NTRK3: variants seen among roughly 807,000 people sequenced by gnomAD.
The protein encoded by NTRK3 is neurotrophic receptor tyrosine kinase 3.
In NTRK3, 24 loss-of-function variants were observed where a neutral mutation model predicts 91.7. The ratio of observed to expected loss-of-function variants is 0.26; its 90% CI spans 0.19 to 0.37. The LOEUF (loss-of-function observed/expected upper bound fraction) is 0.37. NTRK3 is among the 10% of genes least tolerant of loss of function. The pLI is 1.00. For synonymous variants in NTRK3, 483 were observed against 404.0 expected, an observed-to-expected ratio of 1.20 and a Z score of -2.34; for missense variants, 880 against 1,068.9, an observed-to-expected ratio of 0.82 and a Z score of 2.46.
At chr15:87,937,730 G>A (rs922271670) in intron 15 of NTRK3, among the ~76,000 whole-genome samples, 1 of 152,026 alleles carries the variant, frequency 6.6e-6, no homozygotes, top group East Asian at 1.9e-4. Context: ...AAGGAGTGAA[G>A]AAATACATTT....
At chr15:88,032,671 C>G (rs967763759) in intron 14 of NTRK3, among the ~76,000 whole-genome samples, 186 bp downstream of exon 14, 1 of 152,104 alleles carries the variant, frequency 6.6e-6, no homozygotes, top group Non-Finnish European at 1.5e-5. Context: ...GCAGAGGACT[C>G]TGGTCCCGGG....
intron 14 of NTRK3, among the ~76,000 whole-genome samples, chr15:88,018,075 C>G (rs2077360980): frequency 6.6e-6 from 1 of 152,158 alleles, no homozygotes; most frequent in Non-Finnish European, 1.5e-5. Context: ...TAAAAGGAGA[C>G]TCGGCCAAAA....
rs141557504 is a variant in NTRK3, at chr15:88,227,257, C to T, written c.248+28649G>A. Among the ~76,000 whole-genome samples, 416 of 152,302 alleles carry T rather than the reference C, an allele frequency of 2.7e-3. 2 individuals are homozygous for T. The highest frequency in any genetic ancestry group is 2.6e-3 in the Admixed American group (40 of 15,308). ...ACATTTCCCTTAAAAAGCTGCATTT[C>T]CCACCAACCTATCACCAGCTTTCCC... is the stretch of plus-strand genomic sequence containing the variant. On this transcript the variant is annotated intron_variant, in intron 3 of 18. Coordinates refer to ENST00000394480, the Ensembl canonical transcript of NTRK3.
chr15:88,006,725 A>ATC (rs2076517964), intron 14 of NTRK3, among the ~76,000 whole-genome samples: 1 of 152,220 alleles, frequency 6.6e-6, no homozygotes, highest in African/African-American at 2.4e-5. Context: ...GGGAAAGCAC[A>ATC]CAGGAGCACA....
intron 3 of NTRK3, among the ~76,000 whole-genome samples, chr15:88,221,922 T>C (rs935317476): frequency 6.6e-6 from 1 of 152,216 alleles, no homozygotes; most frequent in African/African-American, 2.4e-5. Flanking sequence ...TCAATACAGC[T>C]TACGCGGCAC....
At position 88,255,492 on chromosome 15, in the gene NTRK3, G is replaced by A. The variant is rs932299076; in HGVS notation, c.248+414C>T. Among the ~76,000 whole-genome samples the A allele has an allele frequency of 1.3e-5, 2 of 152,132 alleles. No homozygotes were observed. The highest frequency in any genetic ancestry group is 2.9e-5 in the Non-Finnish European group (2 of 68,026). The stretch of plus-strand genomic sequence containing the variant: ...GCTAAGCGCTGCCGCCGCTGCCACC[G>A]CCGCTGCCGCCTCTGCCAAAGAATC... On this transcript the variant is annotated intron_variant, in intron 3 of 18. Coordinates refer to ENST00000394480, the Ensembl canonical transcript of NTRK3. This position sits in a 1 kb window ranked among gnomAD's most constrained non-coding sequence, Gnocchi z 4.3.
Position 87,872,013 on chromosome 15 carries a change from T to C in NTRK3, c.*4922A>G, listed in dbSNP as rs527886874. 8 of 221,398 alleles carry C rather than the reference T, an allele frequency of 3.6e-5. No homozygotes were observed. In the Admixed American group the frequency reaches 4.0e-4, roughly 11 times the overall value. The allele number at this position is 221,398 out of a possible 1,614,324, so 13.7% of individuals were successfully genotyped here. On this transcript the variant is annotated 3_prime_UTR_variant, in exon 19 of 19. Transcript: ENST00000394480. ...TGGTATGAAAAAAGAAAGTGGAGCT[T>C]CAGGAGCCAAAAACACAGTGACTTC...
intron 14 of NTRK3, among the ~76,000 whole-genome samples, chr15:88,022,293 A>G (rs562667080): frequency 6.6e-6 from 1 of 152,288 alleles, no homozygotes; most frequent in African/African-American, 2.4e-5. Flanking sequence ...ATCCAAGTTC[A>G]AGACAGGAGA....
intron 14 of NTRK3, among the ~76,000 whole-genome samples, chr15:88,021,014 G>T (rs1214059295): frequency 2.0e-5 from 3 of 152,314 alleles, no homozygotes; most frequent in African/African-American, 2.4e-5. Context: ...AGAGGCAGCA[G>T]ATCTGCCTGG....
intron 13 of NTRK3, among the ~76,000 whole-genome samples, chr15:88,073,878 T>G (rs938687197): frequency 6.6e-6 from 1 of 151,904 alleles, no homozygotes; most frequent in Non-Finnish European, 1.5e-5. Context: ...AGCATGTGTC[T>G]CCAATGGTTT....
chr15:87,872,790 C>T (rs1254126042), exon 19 of NTRK3: 1 of 232,586 alleles, frequency 4.3e-6, no homozygotes, highest in African/African-American at 2.2e-5. Context: ...TTATCTTTCA[C>T]TTCATCTCTT....
At chr15:88,131,036 T>C (rs1320961291) in intron 10 of NTRK3, among the ~76,000 whole-genome samples, 2 of 152,212 alleles carry the variant, frequency 1.3e-5, no homozygotes, top group African/African-American at 4.8e-5. Flanking sequence ...TATTTCAAAA[T>C]GAAAAGTTAA....
intron 17 of NTRK3, among the ~76,000 whole-genome samples, chr15:87,924,666 C>T (rs2068143642): frequency 3.3e-5 from 5 of 152,186 alleles, no homozygotes; most frequent in Admixed American, 3.3e-4. Flanking sequence ...CACATCATCT[C>T]CAAAGGCTCA....
At chr15:88,073,975 A>G (rs1048491477) in intron 13 of NTRK3, among the ~76,000 whole-genome samples, 5 of 152,192 alleles carry the variant, frequency 3.3e-5, no homozygotes, top group African/African-American at 4.8e-5. Context: ...GTGTGGCCTC[A>G]GGTAACTCAC....
At chr15:87,882,040 C>T (rs2065285443) in intron 17 of NTRK3, among the ~76,000 whole-genome samples, 2 of 151,966 alleles carry the variant, frequency 1.3e-5, no homozygotes, top group Admixed American at 6.6e-5. Flanking sequence ...GGATTATAGG[C>T]ATGAAACACC....
exon 19 of NTRK3, chr15:87,873,735 G>A (rs2064882909): frequency 4.3e-6 from 1 of 231,864 alleles, no homozygotes. Context: ...ACCGTCGACA[G>A]TGCTTTTCTG....
At position 88,234,949 on chromosome 15, in the gene NTRK3, C is replaced by T. The variant is rs749393806; in HGVS notation, c.248+20957G>A. The stretch of plus-strand genomic sequence containing the variant: ...CCCTTCCAACCTGAGAGGCGTTGCA[C>T]TGGCTACGCCCTGGGCCTGGAAACT... On this transcript the variant is annotated intron_variant, in intron 3 of 18. Transcript: ENST00000394480. The surrounding 1 kb of genome is among the most constrained non-coding windows in gnomAD (Gnocchi z 6.1). Among the ~76,000 whole-genome samples, 13 of 152,166 alleles carry T rather than the reference C, an allele frequency of 8.5e-5. No individual in the cohort carries two copies. Among genetic ancestry groups the T allele is most frequent in the African/African-American group, 2.4e-4 (10 of 41,446 alleles).
chr15:88,248,831 T>A (rs1339010411), intron 3 of NTRK3, among the ~76,000 whole-genome samples: 1 of 152,230 alleles, frequency 6.6e-6, no homozygotes, highest in African/African-American at 2.4e-5. Flanking sequence ...ATTGTTATCA[T>A]GTACTCAGTA....
intron 13 of NTRK3, among the ~76,000 whole-genome samples, chr15:88,121,270 TAATGACGACGTGA>T (rs1432791423): frequency 6.6e-6 from 1 of 152,226 alleles, no homozygotes. Flanking sequence ...GTTATTGTTC[TAATGACGACGTGA>T]AATGATGATG....
Sources: allele counts gnomAD v4.1 joint callset (sites outside exome capture counted in the v4.1 genomes callset), GRCh38; gene constraint gnomAD v4.1.1; non-coding constraint Gnocchi (gnomAD v3.1); transcripts MANE v1.5; gene names NCBI Gene and HGNC (gene_info 2026-07-23, HGNC 2026-07-21).